The following PPP2R2B variants were observed in gnomAD, a reference collection of about 807,000 sequenced individuals.
PPP2R2B encodes the protein serine/threonine-protein phosphatase 2A 55 kDa regulatory subunit B beta isoform.
A neutral mutation model predicts 46.0 loss-of-function variants in PPP2R2B; 5 were observed. The ratio of observed to expected loss-of-function variants is 0.11; its 90% CI spans 0.06 to 0.23. The LOEUF is 0.23. Ranked by LOEUF, PPP2R2B falls within the 10% of genes least tolerant of loss-of-function variation. PPP2R2B has a pLI of 1.00. For missense variants in PPP2R2B, 367 were observed against 575.0 expected, an observed-to-expected ratio of 0.64 and a Z score of 3.70; for synonymous variants, 215 against 206.7, an observed-to-expected ratio of 1.04 and a Z score of -0.34.
At chr5:146,789,123 A>G (rs1029966195) in intron 2 of PPP2R2B, among the ~76,000 whole-genome samples, 12 of 152,154 alleles carry the variant, frequency 7.9e-5, no homozygotes, top group Non-Finnish European at 1.5e-4. Flanking sequence ...GATCACTGTG[A>G]GGCTTTTGTT....
At chr5:146,625,301 A>G (rs1009046705) in intron 7 of PPP2R2B, among the ~76,000 whole-genome samples, 1 of 152,206 alleles carries the variant, frequency 6.6e-6, no homozygotes, top group South Asian at 2.1e-4. Context: ...ATAACAAGGT[A>G]GGTATTTTAT....
intron 2 of PPP2R2B, among the ~76,000 whole-genome samples, chr5:146,820,460 C>A (rs968617126): frequency 2.0e-5 from 3 of 152,042 alleles, no homozygotes; most frequent in Non-Finnish European, 4.4e-5. Flanking sequence ...GAGAATTGGC[C>A]AATAGTTTCC....
At chr5:146,659,803 C>A (rs1441780366) in intron 5 of PPP2R2B, among the ~76,000 whole-genome samples, 1 of 152,156 alleles carries the variant, frequency 6.6e-6, no homozygotes, top group African/African-American at 2.4e-5. Context: ...CTGGCTCCAG[C>A]CCCTATGGTA....
chr5:146,670,226 C>T (rs935145213), intron 5 of PPP2R2B, among the ~76,000 whole-genome samples: 1 of 152,028 alleles, frequency 6.6e-6, no homozygotes, highest in South Asian at 2.1e-4. Context: ...AATTTAAAAA[C>T]AAAATCAGAT....
At chr5:146,828,164 C>T (rs1287970428) in intron 2 of PPP2R2B, among the ~76,000 whole-genome samples, 1 of 152,030 alleles carries the variant, frequency 6.6e-6, no homozygotes, top group Non-Finnish European at 1.5e-5. Context: ...ATTCTACCAT[C>T]CATAATGCAC....
chr5:147,075,313 G>C (rs1204826900), intron 2 of PPP2R2B, among the ~76,000 whole-genome samples: 2 of 152,126 alleles, frequency 1.3e-5, no homozygotes, highest in Non-Finnish European at 2.9e-5. Context: ...ACTCAACTAA[G>C]TCAAGAATGT....
intron 5 of PPP2R2B, among the ~76,000 whole-genome samples, chr5:146,659,110 T>C: frequency 6.6e-6 from 1 of 152,102 alleles, no homozygotes. Flanking sequence ...AAAATAATAA[T>C]ATGAAGCTTT....
At chr5:147,004,642 G>A (rs1021842223) in intron 1 of PPP2R2B, among the ~76,000 whole-genome samples, 1 of 152,146 alleles carries the variant, frequency 6.6e-6, no homozygotes, top group Non-Finnish European at 1.5e-5. Flanking sequence ...CAAAGCTGGA[G>A]CTATTATCTA....
At chr5:146,764,022 T>C (rs1754320441) in intron 2 of PPP2R2B, among the ~76,000 whole-genome samples, 1 of 152,136 alleles carries the variant, frequency 6.6e-6, no homozygotes, top group African/African-American at 2.4e-5. Flanking sequence ...CCACTGATCC[T>C]GGCAACAATT....
chr5:146,968,642 C>T (rs931132936), intron 1 of PPP2R2B, among the ~76,000 whole-genome samples: 4 of 152,162 alleles, frequency 2.6e-5, no homozygotes, highest in African/African-American at 7.2e-5. Flanking sequence ...TACTATGACA[C>T]GCTTTAAAGT....
chr5:146,740,404 G>A lies in PPP2R2B; in HGVS notation c.71-39262C>T, dbSNP rs528438614. ...GTGCTCCAGGTAGAGGTGTAAATAA[G>A]GAGCTTTGAAACCACCATGGGAAGA... On this transcript the variant is annotated intron_variant, in intron 2 of 9. Coordinates refer to ENST00000394411, the MANE Select transcript of PPP2R2B (RefSeq NM_181675.4). Among the ~76,000 whole-genome samples, 137 of 152,220 alleles carry A rather than the reference G, an allele frequency of 9.0e-4. 1 individual carries two copies. Among genetic ancestry groups the A allele is most frequent in the African/African-American group, 3.1e-3 (129 of 41,526 alleles).
intron 1 of PPP2R2B, among the ~76,000 whole-genome samples, chr5:146,888,980 A>G (rs993798184): frequency 3.3e-5 from 5 of 152,156 alleles, no homozygotes; most frequent in African/African-American, 1.2e-4. Context: ...GTATATATTT[A>G]TTTGGTTTTG....
chr5:146,984,518 C>T (rs1207426329), intron 1 of PPP2R2B, among the ~76,000 whole-genome samples: 2 of 152,290 alleles, frequency 1.3e-5, no homozygotes, highest in East Asian at 3.9e-4. Context: ...CATAACTTGG[C>T]TATTGTGAAT....
At position 146,878,523 on chromosome 5, in the gene PPP2R2B, C is replaced by T; in HGVS notation, c.-125+68G>A. ...CTCCCCCTGGGAGAGCGGGCAGCCG[C>T]GACAAAATGGTGCCTTTCTGGACCC... On this transcript the variant is annotated intron_variant, in intron 1 of 9. Coordinates refer to ENST00000394411, the MANE Select transcript of PPP2R2B (RefSeq NM_181675.4). The surrounding 1 kb of genome is among the most constrained non-coding windows in gnomAD (Gnocchi z 4.5). 7.8e-7 allele frequency: 1 copy of T among 1,281,462 alleles called. No individual in the cohort carries two copies. The highest frequency in any genetic ancestry group is 1.6e-5 in the South Asian group (1 of 61,050). 79.4% of individuals were successfully genotyped at this position (1,281,462 alleles called of 1,614,324 possible).
At chr5:146,661,033 T>C (rs1176259058) in intron 5 of PPP2R2B, among the ~76,000 whole-genome samples, 1 of 152,212 alleles carries the variant, frequency 6.6e-6, no homozygotes, top group African/African-American at 2.4e-5. Flanking sequence ...ATCAGATAAG[T>C]TGTTTTTAAA....
intron 1 of PPP2R2B, among the ~76,000 whole-genome samples, chr5:146,912,261 A>AAG (rs1763213806): frequency 6.7e-6 from 1 of 149,566 alleles, no homozygotes; most frequent in African/African-American, 2.5e-5. Context: ...AAAAAAAAAA[A>AAG]GTTCCCTAAG....
chr5:146,808,119 T>C (rs1448115384), intron 2 of PPP2R2B, among the ~76,000 whole-genome samples: 3 of 152,118 alleles, frequency 2.0e-5, no homozygotes, highest in African/African-American at 7.2e-5. Flanking sequence ...TTAAATATTC[T>C]CACTCCACCT....
intron 1 of PPP2R2B, among the ~76,000 whole-genome samples, chr5:146,962,211 T>A (rs1454556269): frequency 1.3e-5 from 2 of 150,222 alleles, no homozygotes; most frequent in Non-Finnish European, 3.0e-5. Flanking sequence ...CACTTGTTTT[T>A]TTCTTTGGGT....
chr5:147,037,903 T>C (rs1756117440), intron 1 of PPP2R2B, among the ~76,000 whole-genome samples: 1 of 152,210 alleles, frequency 6.6e-6, no homozygotes, highest in African/African-American at 2.4e-5. Flanking sequence ...CAGCATCTAA[T>C]ATTCTGCCTG....
Sources: allele counts gnomAD v4.1 joint callset (sites outside exome capture counted in the v4.1 genomes callset), GRCh38; gene constraint gnomAD v4.1.1; non-coding constraint Gnocchi (gnomAD v3.1); transcripts MANE v1.5; gene names NCBI Gene and HGNC (gene_info 2026-07-23, HGNC 2026-07-21).